Variants in FANCA observed in about 807,000 individuals in gnomAD.
FANCA encodes the protein FA complementation group A, also known as Fanconi anemia group A protein.
In FANCA, 236 loss-of-function variants were observed where a neutral mutation model predicts 194.3. The observed-to-expected ratio is 1.21, with a 90% CI of 1.09 to 1.35. The LOEUF is 1.35. FANCA is among the 40% of genes most tolerant of loss of function. The pLI is 0.00. For synonymous variants in FANCA, 1,014 were observed against 715.8 expected, an observed-to-expected ratio of 1.42 and a Z score of -6.65; for missense variants, 2,628 against 1,813.9, an observed-to-expected ratio of 1.45 and a Z score of -8.15.
chr16:89,760,719 C>T (rs2038923741), intron 29 of FANCA, among the ~76,000 whole-genome samples: 3 of 152,106 alleles, frequency 2.0e-5, no homozygotes, highest in Admixed American at 1.3e-4. Context: ...CTTCATTTAC[C>T]CACTTCTTGG....
rs1168429690 is a variant in FANCA, at chr16:89,757,411, AGAAG to A, written c.2981+1162_2981+1165del. Among the ~76,000 whole-genome samples, 4 of 152,308 alleles carry A rather than the reference AGAAG, an allele frequency of 2.6e-5. No individual in the cohort carries two copies. The East Asian group carries it at 7.7e-4, about 29-fold the overall frequency. On this transcript the variant is annotated intron_variant, in intron 30 of 42. Coordinates refer to ENST00000389301, the MANE Select transcript of FANCA (RefSeq NM_000135.4). The stretch of plus-strand genomic sequence containing the variant: ...CTTCTGTGAGCATCAGTCAGCCATA[AGAAG>A]GAAGGGTATGCTGATATGTGCTACA...
At chr16:89,808,417 C>G in intron 5 of FANCA, 50 bp from the exon 6 acceptor site, 1 of 1,564,810 alleles carries the variant, frequency 6.4e-7, no homozygotes, top group African/African-American at 1.4e-5. Context: ...AAACCCCCAG[C>G]ATTCTGAGTC....
At chr16:89,787,373 A>G (rs1438370403) in intron 14 of FANCA, among the ~76,000 whole-genome samples, 3 of 152,116 alleles carry the variant, frequency 2.0e-5, no homozygotes, top group African/African-American at 7.2e-5. Context: ...AATACAAAAA[A>G]TTAGCCGTGT....
At chr16:89,801,508 G>A (rs1012574964) in intron 8 of FANCA, among the ~76,000 whole-genome samples, 1 of 152,154 alleles carries the variant, frequency 6.6e-6, no homozygotes, top group Non-Finnish European at 1.5e-5. Flanking sequence ...CTATCAGTGA[G>A]AATGTAAATT....
At chr16:89,796,104 C>G in intron 10 of FANCA, 86 bp from the exon 11 acceptor site, 1 of 1,009,872 alleles carries the variant, frequency 9.9e-7, no homozygotes. Context: ...GTGGCTCAGG[C>G]TCATCCCTTC....
chr16:89,772,800 CAG>C (rs2039368274), intron 22 of FANCA, among the ~76,000 whole-genome samples: 1 of 147,430 alleles, frequency 6.8e-6, no homozygotes, highest in African/African-American at 2.5e-5. Context: ...GCCTGGGGGA[CAG>C]AGTGAGACTC....
At chr16:89,749,960 C>G in intron 31 of FANCA, 58 bp from the exon 32 acceptor site, 2 of 1,595,290 alleles carry the variant, frequency 1.3e-6, no homozygotes, top group South Asian at 1.1e-5. Context: ...CCCAGCCAGT[C>G]GGGGACCCAG....
chr16:89,803,357 A>G lies in FANCA; in HGVS notation c.710-16T>C, dbSNP rs2143616238. 6.2e-7 allele frequency: 1 copy of G among 1,609,298 alleles called. No homozygotes were observed. The highest frequency in any genetic ancestry group is 8.5e-7 in the Non-Finnish European group (1 of 1,175,710). ...TGAACAAAATCTGAAAAACCATAAA[A>G]CCAAAGTTATTTATGGACATCATGG... On this transcript the variant is annotated splice_polypyrimidine_tract_variant and intron_variant, in intron 7 of 42. Coordinates refer to ENST00000389301, the MANE Select transcript of FANCA (RefSeq NM_000135.4).
At chr16:89,804,262 T>C (rs1467883785) in intron 7 of FANCA, among the ~76,000 whole-genome samples, 21 of 152,126 alleles carry the variant, frequency 1.4e-4, no homozygotes, top group Non-Finnish European at 1.5e-5. Context: ...TTTGTAGGTG[T>C]CACTTGTAGT....
intron 11 of FANCA, among the ~76,000 whole-genome samples, chr16:89,795,260 G>C (rs1598157977): frequency 6.7e-6 from 1 of 148,862 alleles, no homozygotes; most frequent in South Asian, 2.1e-4. Context: ...ACTCCAACCT[G>C]GCAACAGAGC....
At chr16:89,761,394 G>T (rs1346980523) in intron 29 of FANCA, among the ~76,000 whole-genome samples, 1 of 149,902 alleles carries the variant, frequency 6.7e-6, no homozygotes, top group African/African-American at 2.5e-5. Context: ...ATTCCAGCCT[G>T]GGTGACAGAG....
At chr16:89,752,250 CTCAG>C in intron 30 of FANCA, 28 bp from the exon 31 acceptor site, 1 of 1,582,202 alleles carries the variant, frequency 6.3e-7, no homozygotes, top group Middle Eastern at 1.7e-4. Flanking sequence ...TAAAATCCTC[CTCAG>C]TATCGCCTAA....
At chr16:89,802,266 A>AT (rs71391244) in intron 8 of FANCA, among the ~76,000 whole-genome samples, 7,610 of 136,176 alleles carry the variant, frequency 0.056, 219 homozygotes, top group South Asian at 0.12. Context: ...ACGCCCGGCT[A>AT]TTTTTTTTTT....
intron 15 of FANCA, among the ~76,000 whole-genome samples, chr16:89,784,381 CCAAAAAAA>C (rs1159440947): frequency 4.3e-5 from 6 of 140,008 alleles, no homozygotes; most frequent in South Asian, 2.2e-4. Context: ...AAAAAAAAAC[CCAAAAAAA>C]CAAAAAAACA....
At chr16:89,741,260 C>A (rs2062126452) in intron 37 of FANCA, among the ~76,000 whole-genome samples, 1 of 152,210 alleles carries the variant, frequency 6.6e-6, no homozygotes, top group Non-Finnish European at 1.5e-5. Context: ...CCTGACTGGG[C>A]AGGGTCTCTG....
chr16:89,797,740 T>C (rs2040297118), intron 10 of FANCA, among the ~76,000 whole-genome samples: 1 of 151,878 alleles, frequency 6.6e-6, no homozygotes, highest in Admixed American at 6.6e-5. Context: ...TACAAAACTA[T>C]AGGCTTGTGC....
chr16:89,778,922 C>T, intron 19 of FANCA, 21 bp downstream of exon 19: 1 of 1,614,112 alleles, frequency 6.2e-7, no homozygotes, highest in Non-Finnish European at 8.5e-7. Context: ...TGGTCACAAA[C>T]TCATGGAGAC....
intron 8 of FANCA, among the ~76,000 whole-genome samples, chr16:89,800,173 CTT>C (rs1171899736): frequency 6.6e-6 from 1 of 152,214 alleles, no homozygotes; most frequent in Non-Finnish European, 1.5e-5. Context: ...GGGCAGGACA[CTT>C]TTGCACGCAG....
intron 27 of FANCA, among the ~76,000 whole-genome samples, chr16:89,765,657 C>G (rs2039102313): frequency 6.6e-6 from 1 of 152,276 alleles, no homozygotes. Flanking sequence ...GCCAGACACA[C>G]TATTGGTGCT....
Sources: gnomAD v4.1 joint callset for allele counts (sites outside exome capture counted in the v4.1 genomes callset) on GRCh38, gnomAD v4.1.1 for gene constraint, MANE v1.5 for transcripts, NCBI Gene and HGNC (gene_info 2026-07-23, HGNC 2026-07-21) for gene names.